SLC22A16: variants seen among roughly 807,000 people sequenced by gnomAD.
SLC22A16 encodes WUGSC:RG331P03.1.
Under a neutral mutation model 52.9 loss-of-function variants are expected in SLC22A16, and 53 were observed. The ratio of observed to expected loss-of-function variants is 1.00; its 90% confidence interval spans 0.80 to 1.26. The LOEUF (loss-of-function observed/expected upper bound fraction) is 1.26, where lower values mean the gene tolerates loss of function less well. Among genes scored for constraint, SLC22A16 ranks in the 50% most tolerant of loss-of-function variants. The pLI is 0.00. For missense variants in SLC22A16, 726 were observed against 704.0 expected, an observed-to-expected ratio of 1.03 and a Z score of -0.35; for synonymous variants, 291 against 268.8, an observed-to-expected ratio of 1.08 and a Z score of -0.81.
At chr6:110,472,830 GC>G (rs1475052231) in intron 1 of SLC22A16, among the ~76,000 whole-genome samples, 2 of 152,186 alleles carry the variant, frequency 1.3e-5, no homozygotes, top group Non-Finnish European at 2.9e-5. Flanking sequence ...AAACCCAGAG[GC>G]GAGGAAAAGC....
At position 110,455,001 on chromosome 6, in the gene SLC22A16, TATA is replaced by T. The variant is rs565671251; in HGVS notation, c.533+1534_533+1536del. Among the ~76,000 whole-genome samples the T allele has an allele frequency of 1.7e-3, 197 of 115,940 alleles. 1 individual carries two copies. The highest frequency in any genetic ancestry group is 6.2e-3 in the African/African-American group (189 of 30,292). The allele number at this position is 115,940 out of a possible 152,430, so 76.1% of individuals were successfully genotyped here. On this transcript the variant is annotated intron_variant, in intron 2 of 7. Transcript: ENST00000368919. ...ATAATATATTTATATTATATGTACA[TATA>T]ATTAGTGAAATATATATATAATTTC... is the stretch of plus-strand genomic sequence containing the variant.
intron 2 of SLC22A16, 37 bp downstream of exon 2, chr6:110,456,501 C>T: frequency 6.2e-7 from 1 of 1,606,226 alleles, no homozygotes; most frequent in Non-Finnish European, 8.5e-7. Flanking sequence ...AAAATAAACC[C>T]TACACTGATA....
intron 2 of SLC22A16, among the ~76,000 whole-genome samples, chr6:110,454,505 G>A (rs911223187): frequency 1.8e-4 from 25 of 137,852 alleles, no homozygotes; most frequent in Middle Eastern, 3.7e-3. Context: ...CTCTGCCTAT[G>A]GAGTGACCCT....
At chr6:110,454,271 A>C (rs1201041050) in intron 2 of SLC22A16, among the ~76,000 whole-genome samples, 1 of 152,138 alleles carries the variant, frequency 6.6e-6, no homozygotes, top group Non-Finnish European at 1.5e-5. Context: ...CACATCCAGC[A>C]AGAAGTATAG....
intron 7 of SLC22A16, among the ~76,000 whole-genome samples, chr6:110,428,057 TCCA>T (rs66797040): frequency 0.055 from 8,423 of 152,274 alleles, 467 homozygotes; most frequent in African/African-American, 0.14. Context: ...TAATTACGTG[TCCA>T]CCTTTTTTAG....
rs540191775 is a variant in SLC22A16 at position 110,476,595 on chromosome 6, G to C, written c.-21C>G. The stretch of plus-strand genomic sequence containing the variant: ...CCCATGGTGCGGCCGTGCACTGGGC[G>C]CCGAGTTAGCCGAGCTCCGGGGACT... On this transcript the variant is annotated 5_prime_UTR_variant, in exon 1 of 8. Coordinates refer to ENST00000368919, the MANE Select transcript of SLC22A16 (RefSeq NM_033125.4). 8.5e-6 allele frequency: 13 copies of C among 1,521,374 alleles called. No homozygotes were observed. The highest frequency in any genetic ancestry group is 1.4e-5 in the African/African-American group (1 of 69,426). The allele number at this position is 1,521,374 out of a possible 1,614,324, so 94.2% of individuals were successfully genotyped here. A position where few individuals can be genotyped will look rare whatever the true frequency, so the allele number is the denominator to read the frequency against.
intron 7 of SLC22A16, among the ~76,000 whole-genome samples, chr6:110,427,735 CA>C (rs1410297534): frequency 2.6e-5 from 4 of 152,218 alleles, no homozygotes; most frequent in Admixed American, 6.5e-5. Flanking sequence ...CCTGGCCCCC[CA>C]AAGTGTGGGA....
rs1364314184 is a variant in SLC22A16 at position 110,476,531 on chromosome 6, T to C, written c.44A>G (p.His15Arg). 2 of 1,454,942 alleles carry C rather than the reference T, an allele frequency of 1.4e-6. No individual in the cohort carries two copies. Among genetic ancestry groups the C allele is most frequent in the South Asian group, 2.5e-5 (2 of 80,380 alleles). 90.1% of individuals were successfully genotyped at this position (1,454,942 alleles called of 1,614,324 possible). A position where few individuals can be genotyped will look rare whatever the true frequency, so the allele number is the denominator to read the frequency against. Residue 15 changes from histidine to arginine, a missense_variant, in exon 1 of 8, where the codon CAC (histidine) becomes CGC (arginine). Transcript: ENST00000368919. ...GGCCCCTCCCCCATACCTGCCGAAG[T>C]GCCCCACGTGGTCATAAATCCCCTC... ...HFEGIYDHVG[H>R]FGRFQRVLYF...
intron 1 of SLC22A16, among the ~76,000 whole-genome samples, chr6:110,465,129 C>A (rs576156193): frequency 4.0e-5 from 6 of 150,580 alleles, no homozygotes; most frequent in African/African-American, 4.9e-5. Flanking sequence ...ACAAACTAGG[C>A]ATCAAAGTAA....
intron 1 of SLC22A16, among the ~76,000 whole-genome samples, chr6:110,464,836 A>C (rs901936263): frequency 6.6e-6 from 1 of 152,048 alleles, no homozygotes; most frequent in African/African-American, 2.4e-5. Context: ...GAACACATCA[A>C]AAAAGAAAAC....
At chr6:110,471,726 AGAG>A (rs916396131) in intron 1 of SLC22A16, among the ~76,000 whole-genome samples, 2 of 152,224 alleles carry the variant, frequency 1.3e-5, no homozygotes, top group Admixed American at 6.5e-5. Context: ...AGAAGGCATA[AGAG>A]GAGATGATTT....
Position 110,442,364 on chromosome 6 carries a change from T to C in SLC22A16, c.1063A>G (p.Ile355Val), listed in dbSNP as rs1208685114. 1 of 1,614,220 alleles carries C rather than the reference T, an allele frequency of 6.2e-7. No homozygotes were observed. The highest frequency in any genetic ancestry group is 2.2e-5 in the East Asian group (1 of 44,888). Residue 355 changes from isoleucine (I) to valine (V), a missense_variant, in exon 4 of 8, where the codon ATT (isoleucine) becomes GTT (valine). By Grantham distance (29) the Ile-to-Val change is conservative. Transcript: ENST00000368919. Reference sequence around the variant, plus strand: ...CAAACGGTAAGTGTCCTTTTCGTAATGCTCCAGTTATAAAACAGATATGAT... The same window carrying C: ...CAAACGGTAAGTGTCCTTTTCGTAACGCTCCAGTTATAAAACAGATATGAT... ...NLSYLFYNWS[I>V]TKRTLTVWLI...
At chr6:110,431,678 A>C (rs1289643934) in intron 6 of SLC22A16, among the ~76,000 whole-genome samples, 1 of 152,152 alleles carries the variant, frequency 6.6e-6, no homozygotes, top group African/African-American at 2.4e-5. Flanking sequence ...ATTTCTCAAA[A>C]CGGTGCCCAT....
intron 1 of SLC22A16, among the ~76,000 whole-genome samples, chr6:110,466,970 T>TAGATA (rs1388123976): frequency 6.7e-6 from 1 of 149,084 alleles, no homozygotes; most frequent in East Asian, 1.9e-4. Context: ...GATAGATAGA[T>TAGATA]AATCTGCATT....
At chr6:110,427,970 G>T (rs1774341509) in intron 7 of SLC22A16, among the ~76,000 whole-genome samples, 1 of 152,114 alleles carries the variant, frequency 6.6e-6, no homozygotes, top group African/African-American at 2.4e-5. Flanking sequence ...CTGCTCCTTA[G>T]CACCTAGCAG....
At chr6:110,434,828 A>T (rs1774657760) in intron 6 of SLC22A16, among the ~76,000 whole-genome samples, 1 of 152,076 alleles carries the variant, frequency 6.6e-6, no homozygotes, top group African/African-American at 2.4e-5. Flanking sequence ...AAATACAAAA[A>T]TTAGCCGGGT....
intron 1 of SLC22A16, chr6:110,476,120 G>A (rs1325848443): frequency 7.3e-6 from 3 of 408,582 alleles, no homozygotes; most frequent in East Asian, 1.4e-4. Context: ...GAACTGGGCA[G>A]CAGCCGTCTA....
At chr6:110,470,689 C>T (rs1776229630) in intron 1 of SLC22A16, among the ~76,000 whole-genome samples, 2 of 151,960 alleles carry the variant, frequency 1.3e-5, no homozygotes, top group Admixed American at 1.3e-4. Context: ...TTCTCTTGTG[C>T]ACACACACAC....
At chr6:110,466,957 A>ATAGG (rs1436832373) in intron 1 of SLC22A16, among the ~76,000 whole-genome samples, 1 of 150,480 alleles carries the variant, frequency 6.6e-6, no homozygotes, top group Non-Finnish European at 1.5e-5. Context: ...AGATAGATAG[A>ATAGG]TAGATAGATA....
Sources: allele counts gnomAD v4.1 joint callset (sites outside exome capture counted in the v4.1 genomes callset), GRCh38; gene constraint gnomAD v4.1.1; transcripts MANE v1.5; gene names NCBI Gene and HGNC (gene_info 2026-07-23, HGNC 2026-07-21).